Variants in PRELID2 observed in about 807,000 individuals in gnomAD.
The protein encoded by PRELID2 is PRELI domain-containing protein 2.
Under a neutral mutation model 28.4 loss-of-function variants are expected in PRELID2, and 25 were observed. The observed-to-expected ratio is 0.88, with a 90% CI of 0.64 to 1.23. The LOEUF is 1.23. PRELID2 is among the 50% of genes most tolerant of loss of function. PRELID2 has a pLI of 0.00. For missense variants in PRELID2, 201 were observed against 214.4 expected (o/e 0.94, Z 0.39); for synonymous variants, 76 against 71.6 (o/e 1.06, Z -0.31).
In PRELID2 at chr5:145,493,941, T is replaced by C. The variant is rs578162021; in HGVS notation, n.71-20626A>G. 3.3e-5 allele frequency among the ~76,000 whole-genome samples: 5 copies of C among 152,332 alleles called. No homozygotes were observed. The Middle Eastern group carries it at 0.01, about 311-fold the overall frequency. Reference sequence around the variant, plus strand: ...TCAGATGCTTTCATTGGAGTGTAAATTCCTTGAGGCTAGGCACCATATCAT... The same window carrying C: ...TCAGATGCTTTCATTGGAGTGTAAACTCCTTGAGGCTAGGCACCATATCAT... On this transcript the variant is annotated intron_variant and non_coding_transcript_variant, in intron 1 of 2. Transcript: ENST00000510259.
At chr5:145,650,770 A>T (rs184623574) in intron 1 of PRELID2, among the ~76,000 whole-genome samples, 27 of 152,002 alleles carry the variant, frequency 1.8e-4, no homozygotes, top group African/African-American at 6.0e-4. Context: ...TGAAAATGAC[A>T]CAGACTTGGT....
intron 1 of PRELID2, among the ~76,000 whole-genome samples, chr5:145,716,102 T>C (rs1190630261): frequency 6.6e-6 from 1 of 152,192 alleles, no homozygotes; most frequent in Non-Finnish European, 1.5e-5. Flanking sequence ...ATGTACTTTA[T>C]ATGTAGCCCA....
the PRELID2 span, among the ~76,000 whole-genome samples, chr5:145,394,664 A>G: frequency 2.6e-5 from 4 of 152,224 alleles, no homozygotes; most frequent in Non-Finnish European, 4.4e-5. Context: ...AGCCTTGATC[A>G]TCTGACTCTG....
At chr5:145,278,827 A>G in the PRELID2 span, among the ~76,000 whole-genome samples, 2 of 152,174 alleles carry the variant, frequency 1.3e-5, no homozygotes, top group African/African-American at 4.8e-5. Context: ...TCTTACTCTT[A>G]TCAATAGCAA....
At chr5:145,431,018 T>G in the PRELID2 span, among the ~76,000 whole-genome samples, 2 of 144,920 alleles carry the variant, frequency 1.4e-5, no homozygotes, top group African/African-American at 5.2e-5. Context: ...TTTTTTTTTT[T>G]TTTTTTTTTT....
At chr5:145,697,092 CAT>C (rs372490902) in intron 1 of PRELID2, among the ~76,000 whole-genome samples, 6,694 of 123,946 alleles carry the variant, frequency 0.054, 725 homozygotes, top group African/African-American at 0.18. Flanking sequence ...CACACACACA[CAT>C]ATATATATGT....
chr5:145,618,759 C>T (rs1368217949), intron 1 of PRELID2, among the ~76,000 whole-genome samples: 1 of 152,104 alleles, frequency 6.6e-6, no homozygotes, highest in African/African-American at 2.4e-5. Context: ...TATATATGCC[C>T]TTTGTGTTCA....
At chr5:145,804,632 T>A (rs1236563179) in intron 4 of PRELID2, among the ~76,000 whole-genome samples, 1 of 152,182 alleles carries the variant, frequency 6.6e-6, no homozygotes, top group Non-Finnish European at 1.5e-5. Context: ...AACAGCCTTA[T>A]AAGGTATATA....
At chr5:145,515,255 G>A (rs1048867848) in intron 1 of PRELID2, among the ~76,000 whole-genome samples, 2 of 152,022 alleles carry the variant, frequency 1.3e-5, no homozygotes, top group African/African-American at 4.8e-5. Context: ...CCACTAGCTA[G>A]ACTAATAAAG....
chr5:145,335,830 T>A, the PRELID2 span, among the ~76,000 whole-genome samples: 7 of 152,198 alleles, frequency 4.6e-5, no homozygotes, highest in Non-Finnish European at 1.0e-4. Context: ...TAGTTCTAGA[T>A]CCCTGAGGAA....
intron 1 of PRELID2, among the ~76,000 whole-genome samples, chr5:145,749,775 T>C (rs959284867): frequency 3.3e-5 from 5 of 152,160 alleles, no homozygotes; most frequent in Admixed American, 6.5e-5. Flanking sequence ...TATGGAATAC[T>C]ACACAGCCAT....
chr5:145,628,265 G>A (rs959434066), intron 1 of PRELID2, among the ~76,000 whole-genome samples: 1 of 151,950 alleles, frequency 6.6e-6, no homozygotes, highest in Non-Finnish European at 1.5e-5. Context: ...AAGAAGAAAT[G>A]TGTTTTCATT....
rs115007347 is a variant in PRELID2 at position 145,496,512 on chromosome 5, G to A, written n.71-23197C>T. 2.0e-3 allele frequency among the ~76,000 whole-genome samples: 309 copies of A among 152,272 alleles called. 1 individual carries two copies. The highest frequency in any genetic ancestry group is 3.2e-3 in the Non-Finnish European group (217 of 68,004). Reference sequence around the variant, plus strand: ...CCAGCAAAAGGAACCAAGAGGGATTGGCCAGCAAGTTAGGAGGAAAAACAT... The same window carrying A: ...CCAGCAAAAGGAACCAAGAGGGATTAGCCAGCAAGTTAGGAGGAAAAACAT... On this transcript the variant is annotated intron_variant and non_coding_transcript_variant, in intron 1 of 2. Coordinates refer to the PRELID2 transcript ENST00000510259.
chr5:145,249,958 TC>T, the PRELID2 span, among the ~76,000 whole-genome samples: 2 of 151,940 alleles, frequency 1.3e-5, no homozygotes, highest in African/African-American at 2.4e-5. Context: ...TCTCTCTCTC[TC>T]TCTCTCCTTT....
chr5:145,781,416 TAA>T (rs964105781), intron 5 of PRELID2, among the ~76,000 whole-genome samples: 2 of 152,026 alleles, frequency 1.3e-5, no homozygotes, highest in African/African-American at 4.8e-5. Context: ...TTGGTCAAAC[TAA>T]AAGACTTAAT....
At chr5:145,716,822 GT>G (rs1755857038) in intron 1 of PRELID2, among the ~76,000 whole-genome samples, 1 of 152,056 alleles carries the variant, frequency 6.6e-6, no homozygotes, top group South Asian at 2.1e-4. Flanking sequence ...GTATTGTCTT[GT>G]TTTATCTGCA....
the PRELID2 span, among the ~76,000 whole-genome samples, chr5:145,341,036 G>T: frequency 4.0e-5 from 6 of 151,636 alleles, no homozygotes; most frequent in South Asian, 1.2e-3. Flanking sequence ...TCACACTACT[G>T]CAGGCACCCA....
At chr5:145,409,861 T>G in the PRELID2 span, among the ~76,000 whole-genome samples, 4 of 152,114 alleles carry the variant, frequency 2.6e-5, no homozygotes, top group African/African-American at 9.6e-5. Flanking sequence ...AAAGCAAGAC[T>G]AAGCAAAAAG....
chr5:145,780,694 G>A (rs1420448277), intron 5 of PRELID2, among the ~76,000 whole-genome samples: 1 of 152,082 alleles, frequency 6.6e-6, no homozygotes, highest in East Asian at 1.9e-4. Flanking sequence ...AATGTATCAG[G>A]AAGTTCAGAG....
Sources: gnomAD v4.1 joint callset for allele counts (sites outside exome capture counted in the v4.1 genomes callset) on GRCh38, gnomAD v4.1.1 for gene constraint, MANE v1.5 for transcripts, NCBI Gene and HGNC (gene_info 2026-07-23, HGNC 2026-07-21) for gene names.